The following STRN3 variants were observed in gnomAD, a reference collection of about 807,000 sequenced individuals.
The protein encoded by STRN3 is striatin 3, also known as striatin-3.
In STRN3, 29 loss-of-function variants were observed where a neutral mutation model predicts 95.6. That is an observed-to-expected ratio of 0.30 (90% CI 0.23 to 0.41). The LOEUF (loss-of-function observed/expected upper bound fraction) is 0.41. STRN3 is among the 10% of genes least tolerant of loss of function. The probability of loss-of-function intolerance (pLI) is 1.00; values close to 1 mark genes in which losing one functional copy is unlikely to be tolerated. For synonymous variants in STRN3, 331 were observed against 357.6 expected, an observed-to-expected ratio of 0.93 and a Z score of 0.84; for missense variants, 890 against 972.1, an observed-to-expected ratio of 0.92 and a Z score of 1.12.
At position 31,013,864 on chromosome 14, in the gene STRN3, TTATTA is replaced by T. The variant is rs1284328790; in HGVS notation, c.282+12035_282+12039del. ...CCTGCCTTGGCTTCTCAAAGCAATTTTATTATTATTATTATTATTATTATTATTAT... is the reference window on the plus strand; with the variant it reads ...CCTGCCTTGGCTTCTCAAAGCAATTTTTATTATTATTATTATTATTATTAT... On this transcript the variant is annotated intron_variant, in intron 1 of 17. Coordinates refer to ENST00000357479, the MANE Select transcript of STRN3 (RefSeq NM_001083893.2). Among the ~76,000 whole-genome samples, 40 of 11,190 alleles carry T rather than the reference TTATTA, an allele frequency of 3.6e-3. 1 individual carries two copies. Among genetic ancestry groups the T allele is most frequent in the Non-Finnish European group, 4.0e-3 (20 of 5,018 alleles). The allele number at this position is 11,190 out of a possible 152,430, so 7.3% of individuals were successfully genotyped here.
At chr14:31,014,747 A>G (rs779849652) in intron 1 of STRN3, 9 of 444,862 alleles carry the variant, frequency 2.0e-5, no homozygotes, top group African/African-American at 1.0e-4. Context: ...AGCATTATAT[A>G]TTGGTCAAAA....
intron 1 of STRN3, among the ~76,000 whole-genome samples, chr14:30,984,144 C>CG (rs1881552176): frequency 7.1e-6 from 1 of 139,900 alleles, no homozygotes; most frequent in Non-Finnish European, 1.6e-5. Context: ...CCAACCCCCC[C>CG]CCACACACAA....
chr14:31,018,781 G>A, intron 1 of STRN3: 1 of 469,126 alleles, frequency 2.1e-6, no homozygotes, highest in South Asian at 1.6e-5. Context: ...AAAGCAGAGA[G>A]AAGCTCAACA....
intron 1 of STRN3, among the ~76,000 whole-genome samples, chr14:30,995,913 T>A (rs1882175435): frequency 6.6e-6 from 1 of 152,100 alleles, no homozygotes; most frequent in Admixed American, 6.6e-5. Context: ...TCTTTAGAAA[T>A]TACCTCCACT....
At chr14:30,909,055 A>C (rs1222027013) in intron 13 of STRN3, among the ~76,000 whole-genome samples, 1 of 152,230 alleles carries the variant, frequency 6.6e-6, no homozygotes, top group Non-Finnish European at 1.5e-5. Context: ...TACTCACATC[A>C]AACAGGACTG....
At chr14:30,960,584 A>C (rs1384326926) in intron 1 of STRN3, among the ~76,000 whole-genome samples, 2 of 152,154 alleles carry the variant, frequency 1.3e-5, no homozygotes, top group African/African-American at 4.8e-5. Flanking sequence ...AAAAATGAAA[A>C]TGAGGCTGGG....
At chr14:30,927,984 GTCTAT>G (rs1004239080) in intron 8 of STRN3, among the ~76,000 whole-genome samples, 8 of 145,258 alleles carry the variant, frequency 5.5e-5, no homozygotes, top group African/African-American at 1.8e-4. Flanking sequence ...ATGTCATTTT[GTCTAT>G]TCTAACATAG....
chr14:30,941,857 C>A (rs1879109477), intron 5 of STRN3, among the ~76,000 whole-genome samples: 1 of 152,038 alleles, frequency 6.6e-6, no homozygotes, highest in Non-Finnish European at 1.5e-5. Context: ...AACTCCTGAT[C>A]TCAAGTGTTC....
chr14:31,017,628 T>C (rs1421868992), intron 1 of STRN3, among the ~76,000 whole-genome samples: 1 of 152,042 alleles, frequency 6.6e-6, no homozygotes, highest in African/African-American at 2.4e-5. Context: ...CTGGAACAAA[T>C]TTCCCCCAAG....
chr14:30,957,704 C>T lies in STRN3; in HGVS notation c.283-1462G>A, dbSNP rs77916169. On this transcript the variant is annotated intron_variant, in intron 1 of 17. Coordinates refer to ENST00000357479, the MANE Select transcript of STRN3 (RefSeq NM_001083893.2). ...AAAGCAATTCTCTGCCTTTTTCTAG[C>T]CCTTCCCTATATGTCAGCCTGCTTT... Among the ~76,000 whole-genome samples, 515 of 152,236 alleles carry T rather than the reference C, an allele frequency of 3.4e-3. 4 individuals carry two copies. Among genetic ancestry groups the T allele is most frequent in the African/African-American group, 0.012 (488 of 41,546 alleles).
At chr14:30,925,287 C>T (rs370899113) in intron 8 of STRN3, among the ~76,000 whole-genome samples, 1 of 151,900 alleles carries the variant, frequency 6.6e-6, no homozygotes, top group Admixed American at 6.6e-5. Context: ...AGTTGGGAGA[C>T]ACAGAAACTT....
chr14:30,920,785 A>T (rs1292170333), intron 8 of STRN3, among the ~76,000 whole-genome samples: 1 of 152,116 alleles, frequency 6.6e-6, no homozygotes, highest in East Asian at 1.9e-4. Flanking sequence ...TATCACATTT[A>T]TTATATCTCC....
chr14:31,012,515 T>C (rs1344121208), intron 1 of STRN3, among the ~76,000 whole-genome samples: 4 of 152,198 alleles, frequency 2.6e-5, no homozygotes, highest in African/African-American at 9.7e-5. Flanking sequence ...TTTATGAAAA[T>C]TTAACACAAC....
chr14:30,924,678 A>G (rs780823108), intron 8 of STRN3, among the ~76,000 whole-genome samples: 14 of 152,108 alleles, frequency 9.2e-5, no homozygotes, highest in Non-Finnish European at 1.8e-4. Context: ...GGCAACATAC[A>G]GAGATCCTGT....
At chr14:30,952,949 C>T (rs1311600194) in intron 3 of STRN3, among the ~76,000 whole-genome samples, 1 of 152,094 alleles carries the variant, frequency 6.6e-6, no homozygotes, top group Non-Finnish European at 1.5e-5. Flanking sequence ...TATTTTCTAC[C>T]TGAAAATATA....
intron 1 of STRN3, among the ~76,000 whole-genome samples, chr14:30,996,919 C>T (rs780728865): frequency 6.0e-5 from 9 of 150,958 alleles, no homozygotes; most frequent in Non-Finnish European, 1.3e-4. Flanking sequence ...AGGAAAAGAA[C>T]AATTACAAGG....
At chr14:30,978,971 T>C (rs1397300138) in intron 1 of STRN3, among the ~76,000 whole-genome samples, 2 of 133,656 alleles carry the variant, frequency 1.5e-5, no homozygotes, top group South Asian at 2.3e-4. Context: ...GATGCAGAGG[T>C]TGAAGTGGGC....
chr14:31,006,330 G>A (rs2139306205), intron 1 of STRN3, among the ~76,000 whole-genome samples: 1 of 152,128 alleles, frequency 6.6e-6, no homozygotes, highest in Admixed American at 6.5e-5. Context: ...TGAGGCAGGA[G>A]GGCAGCTCTT....
At chr14:31,012,013 C>T (rs371087187) in intron 1 of STRN3, among the ~76,000 whole-genome samples, 4 of 151,702 alleles carry the variant, frequency 2.6e-5, no homozygotes, top group East Asian at 2.0e-4. Flanking sequence ...ATCCAGGAGC[C>T]GGAGGTTGCA....
Sources: gnomAD v4.1 joint callset for allele counts (sites outside exome capture counted in the v4.1 genomes callset) on GRCh38, gnomAD v4.1.1 for gene constraint, MANE v1.5 for transcripts, NCBI Gene and HGNC (gene_info 2026-07-23, HGNC 2026-07-21) for gene names.